Variants in SLC35F1 observed in about 807,000 individuals in gnomAD.
SLC35F1 encodes the protein chromosome 6 open reading frame 169.
SLC35F1 carries 14 observed loss-of-function variants against 48.7 expected under a neutral mutation model. That is an observed-to-expected ratio of 0.29 (90% CI 0.19 to 0.45). The LOEUF is 0.45. Ranked by LOEUF, SLC35F1 falls within the 20% of genes least tolerant of loss-of-function variation. The probability of loss-of-function intolerance (pLI) is 1.00; values close to 1 mark genes in which losing one functional copy is unlikely to be tolerated. For synonymous variants in SLC35F1, 190 were observed against 202.2 expected (o/e 0.94, Z 0.51); for missense variants, 404 against 500.0 (o/e 0.81, Z 1.83).
chr6:118,066,299 A>G (rs990365430), intron 1 of SLC35F1, among the ~76,000 whole-genome samples: 5 of 152,232 alleles, frequency 3.3e-5, no homozygotes, highest in Non-Finnish European at 2.9e-5. Context: ...ATGTCAATAA[A>G]ATGTCTAAGA....
intron 1 of SLC35F1, among the ~76,000 whole-genome samples, chr6:118,061,594 A>AT (rs1426710873): frequency 6.6e-6 from 1 of 151,024 alleles, no homozygotes; most frequent in Non-Finnish European, 1.5e-5. Context: ...GTGTGTGTAT[A>AT]TATATATATA....
At chr6:117,914,750 C>G (rs947040616) in intron 1 of SLC35F1, among the ~76,000 whole-genome samples, 29 of 152,058 alleles carry the variant, frequency 1.9e-4, no homozygotes, top group Admixed American at 6.5e-5. Context: ...GCTGATCTGA[C>G]AAAAAATCCC....
chr6:117,925,079 G>A (rs139655632), intron 1 of SLC35F1, among the ~76,000 whole-genome samples: 2 of 152,250 alleles, frequency 1.3e-5, no homozygotes, highest in African/African-American at 4.8e-5. Flanking sequence ...AAATAAGTGT[G>A]TTATCTCCCT....
intron 2 of SLC35F1, 62 bp from the exon 3 acceptor site, chr6:118,235,447 T>C: frequency 6.9e-7 from 1 of 1,450,070 alleles, no homozygotes; most frequent in Non-Finnish European, 9.4e-7. Context: ...AGAATTCTTC[T>C]AAATGTACAA....
At chr6:117,932,383 T>C (rs1776113982) in intron 1 of SLC35F1, among the ~76,000 whole-genome samples, 1 of 152,232 alleles carries the variant, frequency 6.6e-6, no homozygotes, top group African/African-American at 2.4e-5. Flanking sequence ...ACATGAAGTT[T>C]AAGGTAACAG....
intron 3 of SLC35F1, among the ~76,000 whole-genome samples, chr6:118,262,100 C>G (rs1157957334): frequency 6.6e-6 from 1 of 152,108 alleles, no homozygotes; most frequent in Non-Finnish European, 1.5e-5. Flanking sequence ...AGAAAATGTT[C>G]CATCTTCATG....
intron 1 of SLC35F1, among the ~76,000 whole-genome samples, chr6:118,134,571 C>G (rs1280766605): frequency 6.6e-6 from 1 of 152,190 alleles, no homozygotes; most frequent in East Asian, 1.9e-4. Context: ...TTAATAAATG[C>G]AATCCAAAGG....
chr6:118,003,144 A>G (rs1231801398), intron 1 of SLC35F1, among the ~76,000 whole-genome samples: 1 of 152,220 alleles, frequency 6.6e-6, no homozygotes, highest in Non-Finnish European at 1.5e-5. Context: ...TAGTTATAAA[A>G]TATCATTGAA....
At chr6:118,256,112 A>C (rs545248941) in intron 3 of SLC35F1, among the ~76,000 whole-genome samples, 1 of 152,196 alleles carries the variant, frequency 6.6e-6, no homozygotes, top group East Asian at 1.9e-4. Context: ...CCAGGCCACA[A>C]AATTAAAATG....
chr6:118,140,495 C>G (rs74612739), intron 1 of SLC35F1, among the ~76,000 whole-genome samples: 3 of 151,974 alleles, frequency 2.0e-5, no homozygotes, highest in Non-Finnish European at 4.4e-5. Flanking sequence ...TACAGTAATA[C>G]TTGTACTATA....
chr6:118,147,279 G>GT (rs1773987846), intron 1 of SLC35F1, among the ~76,000 whole-genome samples: 1 of 152,166 alleles, frequency 6.6e-6, no homozygotes, highest in Non-Finnish European at 1.5e-5. Context: ...CATGAAACAG[G>GT]TTCCTGCAGG....
At chr6:118,204,410 G>A (rs1774908467) in intron 2 of SLC35F1, among the ~76,000 whole-genome samples, 1 of 152,158 alleles carries the variant, frequency 6.6e-6, no homozygotes. Context: ...TTTTACTTTG[G>A]GGAAGGTTAT....
At chr6:118,209,173 C>T (rs1315062239) in intron 2 of SLC35F1, among the ~76,000 whole-genome samples, 1 of 152,204 alleles carries the variant, frequency 6.6e-6, no homozygotes, top group Non-Finnish European at 1.5e-5. Context: ...TGCATAGCTG[C>T]CCTTTCTTCC....
intron 1 of SLC35F1, among the ~76,000 whole-genome samples, chr6:117,957,955 T>G (rs937410233): frequency 6.6e-6 from 1 of 152,156 alleles, no homozygotes; most frequent in Non-Finnish European, 1.5e-5. Flanking sequence ...GGCAGGTCCT[T>G]CAGGAGGTGT....
At chr6:118,046,087 A>G (rs913873745) in intron 1 of SLC35F1, among the ~76,000 whole-genome samples, 3 of 152,210 alleles carry the variant, frequency 2.0e-5, no homozygotes, top group Admixed American at 6.6e-5. Context: ...ATCTGTGAAC[A>G]CTATCCTAAA....
chr6:118,150,429 G>C (rs74518652), intron 1 of SLC35F1, among the ~76,000 whole-genome samples: 3,154 of 152,166 alleles, frequency 0.021, 46 homozygotes, highest in Middle Eastern at 0.099. Flanking sequence ...ACATAAGAAA[G>C]ACTAAAATTG....
At chr6:118,098,337 A>G (rs1400790199) in intron 1 of SLC35F1, among the ~76,000 whole-genome samples, 1 of 152,184 alleles carries the variant, frequency 6.6e-6, no homozygotes, top group Non-Finnish European at 1.5e-5. Flanking sequence ...TAGCATCAGA[A>G]TCAGTGTCTC....
intron 1 of SLC35F1, among the ~76,000 whole-genome samples, chr6:117,961,526 C>T (rs892486983): frequency 1.3e-5 from 2 of 152,186 alleles, no homozygotes; most frequent in Non-Finnish European, 2.9e-5. Context: ...TCCAGGACCT[C>T]TCAATCCTGT....
At chr6:117,914,485 G>A (rs997333564) in intron 1 of SLC35F1, among the ~76,000 whole-genome samples, 7 of 152,128 alleles carry the variant, frequency 4.6e-5, no homozygotes, top group South Asian at 2.1e-4. Context: ...CTGGTCTGTC[G>A]TATAAGATAG....
Sources: gnomAD v4.1 joint callset for allele counts (sites outside exome capture counted in the v4.1 genomes callset) on GRCh38, gnomAD v4.1.1 for gene constraint, MANE v1.5 for transcripts, NCBI Gene and HGNC (gene_info 2026-07-23, HGNC 2026-07-21) for gene names.